CACNG3: variants seen among roughly 807,000 people sequenced by gnomAD.
CACNG3 encodes calcium voltage-gated channel auxiliary subunit gamma 3, also known as voltage-dependent calcium channel gamma-3 subunit.
In CACNG3, 3 loss-of-function variants were observed where a neutral mutation model predicts 28.5. That is an observed-to-expected ratio of 0.11 (90% CI 0.05 to 0.27). The LOEUF (loss-of-function observed/expected upper bound fraction) is 0.27. Among genes scored for constraint, CACNG3 ranks in the 10% least tolerant of loss-of-function variants. CACNG3 has a pLI of 1.00. For synonymous variants in CACNG3, 174 were observed against 162.2 expected (o/e 1.07, Z -0.55); for missense variants, 236 against 414.4 (o/e 0.57, Z 3.74).
At chr16:24,314,567 G>C (rs1355525040) in intron 1 of CACNG3, among the ~76,000 whole-genome samples, 1 of 152,184 alleles carries the variant, frequency 6.6e-6, no homozygotes, top group Admixed American at 6.5e-5. Flanking sequence ...CTGAACCAAA[G>C]CCCAGTTCTG....
chr16:24,332,070 A>G (rs941595039), intron 1 of CACNG3, among the ~76,000 whole-genome samples: 2 of 152,234 alleles, frequency 1.3e-5, no homozygotes, highest in African/African-American at 4.8e-5. Context: ...GTAGAATATA[A>G]CAGCCTGGTC....
chr16:24,288,845 A>T (rs534092972), intron 1 of CACNG3, among the ~76,000 whole-genome samples: 1 of 152,176 alleles, frequency 6.6e-6, no homozygotes, highest in East Asian at 1.9e-4. Context: ...GAGCTGATTC[A>T]CACTAGGAGA....
chr16:24,281,763 G>A (rs1596626137), intron 1 of CACNG3, among the ~76,000 whole-genome samples: 2 of 152,132 alleles, frequency 1.3e-5, no homozygotes, highest in Admixed American at 6.6e-5. Flanking sequence ...TACATGTTCT[G>A]ACCAGCATGA....
At chr16:24,336,465 C>T (rs1197691587) in intron 1 of CACNG3, among the ~76,000 whole-genome samples, 2 of 151,684 alleles carry the variant, frequency 1.3e-5, no homozygotes, top group South Asian at 2.1e-4. Flanking sequence ...TTAGTAAAGG[C>T]GGGGTTTCAC....
intron 1 of CACNG3, among the ~76,000 whole-genome samples, chr16:24,292,106 G>A (rs1027953990): frequency 2.0e-5 from 3 of 152,114 alleles, no homozygotes; most frequent in Non-Finnish European, 2.9e-5. Flanking sequence ...GCGGATAACC[G>A]GGCAGGCGGA....
intron 1 of CACNG3, among the ~76,000 whole-genome samples, chr16:24,305,246 G>C (rs1030299792): frequency 6.6e-6 from 1 of 150,856 alleles, no homozygotes; most frequent in African/African-American, 2.4e-5. Context: ...CCTTCTGCTC[G>C]GTTTTTCTGT....
intron 1 of CACNG3, among the ~76,000 whole-genome samples, chr16:24,277,069 C>T (rs987107071): frequency 2.6e-5 from 4 of 152,116 alleles, no homozygotes; most frequent in African/African-American, 9.7e-5. Context: ...GAAATGGGCA[C>T]TTGAAGGGAG....
At chr16:24,287,272 C>G (rs1029424974) in intron 1 of CACNG3, among the ~76,000 whole-genome samples, 1 of 152,146 alleles carries the variant, frequency 6.6e-6, no homozygotes, top group Non-Finnish European at 1.5e-5. Context: ...GATCCAAGCA[C>G]TTTGGGAGGC....
intron 1 of CACNG3, among the ~76,000 whole-genome samples, chr16:24,268,834 G>T (rs901833317): frequency 6.6e-6 from 1 of 152,248 alleles, no homozygotes; most frequent in African/African-American, 2.4e-5. Flanking sequence ...GTAAACTTGA[G>T]CATGTTATTT....
intron 1 of CACNG3, among the ~76,000 whole-genome samples, chr16:24,304,675 G>A (rs1409446478): frequency 1.3e-5 from 2 of 152,106 alleles, no homozygotes; most frequent in African/African-American, 4.8e-5. Context: ...CTAGGCTCAA[G>A]TTAGCCTCTC....
chr16:24,290,252 A>G (rs1278563878), intron 1 of CACNG3, among the ~76,000 whole-genome samples: 1 of 152,234 alleles, frequency 6.6e-6, no homozygotes, highest in Non-Finnish European at 1.5e-5. Flanking sequence ...ACAAAATAAG[A>G]CAAAATAGGA....
intron 1 of CACNG3, among the ~76,000 whole-genome samples, chr16:24,317,632 CAGAA>C (rs199703490): frequency 0.13 from 6,986 of 52,366 alleles, 708 homozygotes; most frequent in South Asian, 0.16. Flanking sequence ...GAAAGACAGA[CAGAA>C]AGAAAGAAAA....
In CACNG3 at chr16:24,361,167, G is replaced by T. The variant is rs1900097731; in HGVS notation, c.437-185G>T. 6.6e-6 allele frequency among the ~76,000 whole-genome samples: 1 copy of T among 152,182 alleles called. No individual in the cohort carries two copies. The highest frequency in any genetic ancestry group is 2.4e-5 in the African/African-American group (1 of 41,438). ...AATACACATTGCCTGGAACTGAGCA[G>T]CAGAATTCTTCATTTCCTAAGTGAC... On this transcript the variant is annotated intron_variant, in intron 3 of 3. Transcript: ENST00000005284. The surrounding 1 kb of genome is among the most constrained non-coding windows in gnomAD (Gnocchi z 6.8).
chr16:24,332,687 C>T (rs1016935943), intron 1 of CACNG3, among the ~76,000 whole-genome samples: 36 of 152,052 alleles, frequency 2.4e-4, no homozygotes, highest in African/African-American at 7.7e-4. Context: ...TCCCTGTGTG[C>T]GCAAGGTTGC....
intron 2 of CACNG3, among the ~76,000 whole-genome samples, chr16:24,348,671 C>T (rs953364248): frequency 6.6e-6 from 1 of 152,194 alleles, no homozygotes; most frequent in African/African-American, 2.4e-5. Context: ...CAAAATTAGC[C>T]ACACTTAGAG....
chr16:24,275,562 A>G (rs1898743071), intron 1 of CACNG3, among the ~76,000 whole-genome samples: 1 of 152,212 alleles, frequency 6.6e-6, no homozygotes, highest in Non-Finnish European at 1.5e-5. Context: ...TTTCCATGAA[A>G]CACCATATTT....
intron 1 of CACNG3, among the ~76,000 whole-genome samples, chr16:24,312,966 AAAAG>A (rs1567216132): frequency 1.6e-4 from 16 of 99,080 alleles, no homozygotes; most frequent in Non-Finnish European, 2.1e-4. Flanking sequence ...AGAAAGAAAG[AAAAG>A]AAAGAAAGAA....
At chr16:24,323,630 G>A (rs749453649) in intron 1 of CACNG3, among the ~76,000 whole-genome samples, 177 of 152,280 alleles carry the variant, frequency 1.2e-3, no homozygotes, top group Admixed American at 2.7e-3. Flanking sequence ...TCACAGCAAC[G>A]CTCAGTAAGT....
chr16:24,284,350 A>G (rs1032356062), intron 1 of CACNG3, among the ~76,000 whole-genome samples: 2 of 152,172 alleles, frequency 1.3e-5, no homozygotes, highest in Non-Finnish European at 2.9e-5. Context: ...CCTTTTTGAA[A>G]GTAGTTCTTT....
Sources: allele counts gnomAD v4.1 joint callset (sites outside exome capture counted in the v4.1 genomes callset), GRCh38; gene constraint gnomAD v4.1.1; non-coding constraint Gnocchi (gnomAD v3.1); transcripts MANE v1.5; gene names NCBI Gene and HGNC (gene_info 2026-07-23, HGNC 2026-07-21).